ARHGAP24: variants seen among roughly 807,000 people sequenced by gnomAD.
ARHGAP24 encodes rho GTPase-activating protein 24.
A neutral mutation model predicts 76.4 loss-of-function variants in ARHGAP24; 50 were observed. The observed-to-expected ratio is 0.65, with a 90% confidence interval of 0.52 to 0.83. ARHGAP24 has a LOEUF of 0.83. ARHGAP24 is among the 40% of genes least tolerant of loss of function. ARHGAP24 has a pLI of 0.00. For synonymous variants in ARHGAP24, 345 were observed against 323.3 expected (o/e 1.07, Z -0.72); for missense variants, 930 against 914.2 (o/e 1.02, Z -0.22).
At chr4:85,709,079 G>A (rs1312356109) in intron 2 of ARHGAP24, among the ~76,000 whole-genome samples, 1 of 152,004 alleles carries the variant, frequency 6.6e-6, no homozygotes, top group African/African-American at 2.4e-5. Context: ...AAACTATTAA[G>A]GATAGATAAA....
chr4:85,762,784 C>T (rs2110074055), intron 3 of ARHGAP24, among the ~76,000 whole-genome samples: 1 of 152,238 alleles, frequency 6.6e-6, no homozygotes, highest in Non-Finnish European at 1.5e-5. Flanking sequence ...GTAAAGAATT[C>T]TCTCCTGTGC....
At chr4:85,530,568 A>G (rs1302516957) in intron 1 of ARHGAP24, among the ~76,000 whole-genome samples, 2 of 151,720 alleles carry the variant, frequency 1.3e-5, no homozygotes, top group Non-Finnish European at 2.9e-5. Context: ...AAACACTCAC[A>G]TAATAATTCA....
At chr4:85,569,517 G>A (rs753671573) in intron 1 of ARHGAP24, among the ~76,000 whole-genome samples, 10 of 152,086 alleles carry the variant, frequency 6.6e-5, no homozygotes, top group Admixed American at 3.3e-4. Context: ...TTCCAATGAA[G>A]AACTCATTTT....
Position 85,564,554 on chromosome 4 carries a change from T to A in ARHGAP24, c.-20-5968T>A, listed in dbSNP as rs1211182060. Among the ~76,000 whole-genome samples the A allele has an allele frequency of 2.1e-4, 31 of 148,040 alleles. 1 individual carries two copies. Among genetic ancestry groups the A allele is most frequent in the Admixed American group, 8.7e-4 (13 of 14,940 alleles). ...CTTAAAGTATAATAATAAAAAAAAA[T>A]TAAAAAAAAAAGATTTTGTTTTCTA... On this transcript the variant is annotated intron_variant, in intron 1 of 9. Transcript: ENST00000395184.
chr4:85,772,339 G>A (rs1386346899), intron 3 of ARHGAP24, among the ~76,000 whole-genome samples: 3 of 152,202 alleles, frequency 2.0e-5, no homozygotes, highest in Non-Finnish European at 4.4e-5. Flanking sequence ...GATTTAGACA[G>A]TAAGGTATAG....
intron 8 of ARHGAP24, among the ~76,000 whole-genome samples, chr4:85,983,796 T>G (rs1414096575): frequency 5.9e-5 from 9 of 152,190 alleles, no homozygotes; most frequent in Non-Finnish European, 1.3e-4. Flanking sequence ...CTGCCCTTCC[T>G]CATTCTCTGA....
At chr4:85,815,395 C>CA (rs1729194544) in intron 3 of ARHGAP24, among the ~76,000 whole-genome samples, 1 of 152,186 alleles carries the variant, frequency 6.6e-6, no homozygotes, top group African/African-American at 2.4e-5. Context: ...CCTTTAACAA[C>CA]ACCCAAGTCA....
At chr4:85,543,460 C>T (rs1008564854) in intron 1 of ARHGAP24, among the ~76,000 whole-genome samples, 7 of 152,056 alleles carry the variant, frequency 4.6e-5, no homozygotes, top group African/African-American at 1.4e-4. Flanking sequence ...GTTGTGGGAG[C>T]GGGAAGAATG....
At chr4:85,547,208 A>G (rs1725953304) in intron 1 of ARHGAP24, among the ~76,000 whole-genome samples, 1 of 152,132 alleles carries the variant, frequency 6.6e-6, no homozygotes, top group African/African-American at 2.4e-5. Context: ...CTGTCTCTTT[A>G]GTGTACTTTC....
At chr4:85,853,918 C>T (rs1270199005) in intron 3 of ARHGAP24, among the ~76,000 whole-genome samples, 1 of 151,844 alleles carries the variant, frequency 6.6e-6, no homozygotes, top group Non-Finnish European at 1.5e-5. Context: ...CGCACCACTG[C>T]ACTCCAGCCT....
chr4:85,682,070 C>A (rs1009986484), intron 2 of ARHGAP24, among the ~76,000 whole-genome samples: 3 of 152,124 alleles, frequency 2.0e-5, no homozygotes, highest in Non-Finnish European at 4.4e-5. Flanking sequence ...CCATCTAACT[C>A]AATTCTGGGC....
At chr4:85,711,402 G>GTATTAATGT (rs1724522818) in intron 2 of ARHGAP24, among the ~76,000 whole-genome samples, 1 of 152,072 alleles carries the variant, frequency 6.6e-6, no homozygotes, top group Admixed American at 6.6e-5. Context: ...TATAGCGAAA[G>GTATTAATGT]TATTAATGTT....
At chr4:85,752,417 A>G (rs1726298088) in intron 3 of ARHGAP24, among the ~76,000 whole-genome samples, 1 of 152,200 alleles carries the variant, frequency 6.6e-6, no homozygotes, top group Admixed American at 6.5e-5. Flanking sequence ...TTCTTGCATC[A>G]GTGTGAGTTA....
chr4:85,938,997 C>T (rs560882793), intron 4 of ARHGAP24, among the ~76,000 whole-genome samples: 6 of 152,272 alleles, frequency 3.9e-5, no homozygotes, highest in Admixed American at 6.5e-5. Context: ...TCTGTAATAG[C>T]CACTGAGTGG....
intron 5 of ARHGAP24, among the ~76,000 whole-genome samples, chr4:85,962,355 A>G (rs955852352): frequency 1.3e-5 from 2 of 152,100 alleles, no homozygotes; most frequent in African/African-American, 2.4e-5. Context: ...TAACTGCATC[A>G]TTATAGTGCA....
chr4:85,537,099 C>G (rs1264759188), intron 1 of ARHGAP24, among the ~76,000 whole-genome samples: 1 of 152,040 alleles, frequency 6.6e-6, no homozygotes, highest in African/African-American at 2.4e-5. Flanking sequence ...GTTAGATGCT[C>G]TATATTCTAC....
At chr4:85,787,515 T>C (rs1406467328) in intron 3 of ARHGAP24, among the ~76,000 whole-genome samples, 1 of 152,092 alleles carries the variant, frequency 6.6e-6, no homozygotes, top group Non-Finnish European at 1.5e-5. Context: ...AGAAAAGGGA[T>C]AATTCAAAAA....
intron 3 of ARHGAP24, among the ~76,000 whole-genome samples, chr4:85,889,745 G>A (rs1218443607): frequency 1.3e-5 from 2 of 152,038 alleles, no homozygotes; most frequent in African/African-American, 4.8e-5. Context: ...AACTGAAATG[G>A]CCTCTTCTAT....
chr4:85,844,271 A>G (rs1047241564), intron 3 of ARHGAP24, among the ~76,000 whole-genome samples: 14 of 152,226 alleles, frequency 9.2e-5, no homozygotes, highest in Admixed American at 3.3e-4. Flanking sequence ...AGAGTCTCCA[A>G]TAGGATCCAT....
Sources: allele counts gnomAD v4.1 joint callset (sites outside exome capture counted in the v4.1 genomes callset), GRCh38; gene constraint gnomAD v4.1.1; transcripts MANE v1.5; gene names NCBI Gene and HGNC (gene_info 2026-07-23, HGNC 2026-07-21).